Variants in NXPE3 observed in about 807,000 individuals in gnomAD.
NXPE3 encodes the protein neurexophilin and PC-esterase domain family member 3, also known as NXPE family member 3.
NXPE3 carries 26 observed loss-of-function variants against 46.1 expected under a neutral mutation model. The ratio of observed to expected loss-of-function variants is 0.56; its 90% CI spans 0.41 to 0.78. The LOEUF (loss-of-function observed/expected upper bound fraction) is 0.78. Among genes scored for constraint, NXPE3 ranks in the 30% least tolerant of loss-of-function variants. The pLI is 0.00. For missense variants in NXPE3, 620 were observed against 686.0 expected (o/e 0.90, Z 1.07); for synonymous variants, 272 against 257.9 (o/e 1.05, Z -0.52).
Position 101,801,788 on chromosome 3 carries a change from C to T in NXPE3, c.647C>T (p.Ser216Leu). The stretch of plus-strand genomic sequence containing the variant: ...GTCTATTTCAAGAGTCTCTTCCGTT[C>T]AGGAAGAATTTCTGAAACTACTGAG... ...DRVYFKSLFR[S>L]GRISETTECN... The change falls in exon 5 of 8, where the codon TCA becomes TTA. Residue 216 changes from serine to leucine, a missense_variant. By Grantham distance (145) the Ser-to-Leu change is moderately radical. This residue lies in a region of NXPE3 where 511 missense variants were observed against 528.6 expected (regional missense o/e 0.97). Coordinates refer to ENST00000273347, the MANE Select transcript of NXPE3 (RefSeq NM_145037.4). 1 of 1,614,166 alleles carries T rather than the reference C, an allele frequency of 6.2e-7. No homozygotes were observed. Among genetic ancestry groups the T allele is most frequent in the Non-Finnish European group, 8.5e-7 (1 of 1,180,016 alleles).
In NXPE3 at chr3:101,823,946, G is replaced by C. The variant is rs1483880717; in HGVS notation, c.*1992G>C. 3.3e-5 allele frequency: 5 copies of C among 151,384 alleles called. No individual in the cohort carries two copies. Among genetic ancestry groups the C allele is most frequent in the Non-Finnish European group, 7.4e-5 (5 of 67,960 alleles). The allele number at this position is 151,384 out of a possible 1,614,324, so 9.4% of individuals were successfully genotyped here. ...TCTCTACAAAAAAATACAAAAACTA[G>C]CTGGGTGTGGTGGCACCACCTGTAG... On this transcript the variant is annotated 3_prime_UTR_variant, in exon 8 of 8. Transcript: ENST00000273347.
intron 5 of NXPE3, among the ~76,000 whole-genome samples, chr3:101,802,878 T>C (rs1209258517): frequency 6.7e-6 from 1 of 149,990 alleles, no homozygotes; most frequent in East Asian, 1.9e-4. Context: ...AGCTACATGG[T>C]TAAAAAGTAC....
In NXPE3 at chr3:101,826,778, A is replaced by T. The variant is rs1335575399; in HGVS notation, c.*4824A>T. On this transcript the variant is annotated 3_prime_UTR_variant, in exon 8 of 8. Coordinates refer to ENST00000273347, the MANE Select transcript of NXPE3 (RefSeq NM_145037.4). ...GCCGGGCATAGTGGCTCATGCCTGT[A>T]ATCCCAGCACTTTGGGAGGCCGAGG... 2 of 152,290 alleles carry T rather than the reference A, an allele frequency of 1.3e-5. No individual in the cohort carries two copies. The highest frequency in any genetic ancestry group is 2.1e-4 in the South Asian group (1 of 4,832). 9.4% of individuals were successfully genotyped at this position (152,290 alleles called of 1,614,324 possible). A position where few individuals can be genotyped will look rare whatever the true frequency, so the allele number is the denominator to read the frequency against.
At chr3:101,806,372 C>T (rs896258096) in intron 5 of NXPE3, among the ~76,000 whole-genome samples, 2 of 152,144 alleles carry the variant, frequency 1.3e-5, no homozygotes, top group African/African-American at 4.8e-5. Flanking sequence ...TCCACCCTCC[C>T]CCATGTTTTA....
In NXPE3 at chr3:101,793,656, T is replaced by A. The variant is rs951926415; in HGVS notation, c.94-7579T>A. On this transcript the variant is annotated intron_variant, in intron 4 of 7. Coordinates refer to ENST00000273347, the MANE Select transcript of NXPE3 (RefSeq NM_145037.4). ...TTTTTTTTTTTTTTTTTTTTTTTTT[T>A]ATCTGTGCTTTTCCAGTCTGGCTGG... 1.0e-3 allele frequency among the ~76,000 whole-genome samples: 132 copies of A among 131,842 alleles called. 1 individual carries two copies. The highest frequency in any genetic ancestry group is 2.9e-3 in the African/African-American group (102 of 34,716). 86.5% of individuals were successfully genotyped at this position (131,842 alleles called of 152,430 possible).
At chr3:101,804,858 A>G (rs1941336151) in intron 5 of NXPE3, among the ~76,000 whole-genome samples, 1 of 152,216 alleles carries the variant, frequency 6.6e-6, no homozygotes, top group Non-Finnish European at 1.5e-5. Context: ...TATTAATATA[A>G]GGGAAGGCCT....
chr3:101,787,305 T>G lies in NXPE3; in HGVS notation c.93+1616T>G, dbSNP rs556004724. On this transcript the variant is annotated intron_variant, in intron 4 of 7. Coordinates refer to ENST00000273347, the MANE Select transcript of NXPE3 (RefSeq NM_145037.4). The stretch of plus-strand genomic sequence containing the variant: ...ATCAATCATATGATATTTGTCCTTT[T>G]TTTGTTTGTTTGTTTGTTTGAGACA... Among the ~76,000 whole-genome samples the G allele has an allele frequency of 1.2e-4, 18 of 152,256 alleles. No homozygotes were observed. The South Asian group carries it at 2.7e-3, about 23-fold the overall frequency.
At chr3:101,813,023 A>G (rs1941794344) in intron 6 of NXPE3, among the ~76,000 whole-genome samples, 1 of 152,102 alleles carries the variant, frequency 6.6e-6, no homozygotes, top group Non-Finnish European at 1.5e-5. Context: ...GAGTAAACTC[A>G]AACTCAAGCC....
At chr3:101,789,973 G>A (rs143716580) in intron 4 of NXPE3, among the ~76,000 whole-genome samples, 26 of 152,236 alleles carry the variant, frequency 1.7e-4, no homozygotes, top group African/African-American at 6.3e-4. Context: ...ATACAGGTGT[G>A]AGCCACTGCA....
At position 101,801,295 on chromosome 3, in the gene NXPE3, T is replaced by G; in HGVS notation, c.154T>G (p.Ser52Ala). Residue 52 changes from serine to alanine, a missense_variant, in exon 5 of 8, where the codon TCC becomes GCC. This residue lies in a region of NXPE3 where 511 missense variants were observed against 528.6 expected (regional missense o/e 0.97). Coordinates refer to ENST00000273347, the MANE Select transcript of NXPE3 (RefSeq NM_145037.4). ...CGACAGCAGTGGACAGTTTGTTTCC[T>G]CCCAGGTGACAGGAATTAGCCGAAA... ...FIDSSGQFVS[S>A]QVTGISRNPY... 1 of 1,614,176 alleles carries G rather than the reference T, an allele frequency of 6.2e-7. No homozygotes were observed. Among genetic ancestry groups the G allele is most frequent in the South Asian group, 1.1e-5 (1 of 91,078 alleles).
rs1421781065 is a variant in NXPE3, at chr3:101,779,249, G to C, written c.-573G>C. 6.6e-6 allele frequency: 1 copy of C among 152,348 alleles called. No homozygotes were observed. The highest frequency in any genetic ancestry group is 1.5e-5 in the Non-Finnish European group (1 of 68,166). The allele number at this position is 152,348 out of a possible 1,614,324, so 9.4% of individuals were successfully genotyped here. On this transcript the variant is annotated 5_prime_UTR_variant, in exon 1 of 8. Coordinates refer to ENST00000273347, the MANE Select transcript of NXPE3 (RefSeq NM_145037.4). ...CGGGTGAGGAAGCGGGGGGCTAGCG[G>C]CCTGGCGCTGCGGCGACCGACCGGG...
intron 4 of NXPE3, among the ~76,000 whole-genome samples, chr3:101,794,477 C>G (rs766730721): frequency 6.6e-6 from 1 of 151,992 alleles, no homozygotes; most frequent in South Asian, 2.1e-4. Context: ...GAGGGTAGAG[C>G]CCAGGAGGTT....
rs1942384324 is a variant in NXPE3, at chr3:101,824,118, A to AG, written c.*2164_*2165insG. ...CCTGTCTCTAAAAAAAAAAAAAAAA[A>AG]AAAAAGAGGGACCATGATGCCTCTG... On this transcript the variant is annotated 3_prime_UTR_variant, in exon 8 of 8. Transcript: ENST00000273347. The AG allele has an allele frequency of 1.3e-5, 2 of 152,356 alleles. No individual in the cohort carries two copies. Among genetic ancestry groups the AG allele is most frequent in the African/African-American group, 4.8e-5 (2 of 41,316 alleles). The allele number at this position is 152,356 out of a possible 1,614,324, so 9.4% of individuals were successfully genotyped here.
chr3:101,804,658 T>C (rs1483821855), intron 5 of NXPE3, among the ~76,000 whole-genome samples: 1 of 151,752 alleles, frequency 6.6e-6, no homozygotes, highest in Non-Finnish European at 1.5e-5. Context: ...TGAGCTGATA[T>C]CCTTTTTTAC....
chr3:101,804,897 C>T (rs894541081), intron 5 of NXPE3, among the ~76,000 whole-genome samples: 2 of 152,186 alleles, frequency 1.3e-5, no homozygotes, highest in Non-Finnish European at 2.9e-5. Flanking sequence ...TCACCTACAA[C>T]ATTTCCCTTT....
chr3:101,792,639 C>T (rs1012251903), intron 4 of NXPE3, among the ~76,000 whole-genome samples: 1 of 152,022 alleles, frequency 6.6e-6, no homozygotes, highest in African/African-American at 2.4e-5. Flanking sequence ...GTTTTTGTAC[C>T]AGTACTATTC....
chr3:101,825,154 T>TACCCTCC lies in NXPE3; in HGVS notation c.*3209_*3215dup, dbSNP rs1256212903. On this transcript the variant is annotated 3_prime_UTR_variant, in exon 8 of 8. Transcript: ENST00000273347. ...TTTTTCCTGATCCTCTCCCTCCTCC[T>TACCCTCC]ACCCTCCACCCTCCAATAGACCCCA... 2.0e-5 allele frequency: 3 copies of TACCCTCC among 152,184 alleles called. No homozygotes were observed. The allele number at this position is 152,184 out of a possible 1,614,324, so 9.4% of individuals were successfully genotyped here.
At position 101,802,070 on chromosome 3, in the gene NXPE3, T is replaced by G. The variant is rs2107299681; in HGVS notation, c.848+81T>G. On this transcript the variant is annotated intron_variant, in intron 5 of 7. Transcript: ENST00000273347. The stretch of plus-strand genomic sequence containing the variant: ...TCCCATTTAGGAGACTTTCTGGTAT[T>G]CGGTATGTGTTTCTTACCTCTCTCT... The G allele has an allele frequency of 4.4e-6, 6 of 1,366,116 alleles. No homozygotes were observed. The South Asian group carries it at 8.7e-5, about 20-fold the overall frequency. The allele number at this position is 1,366,116 out of a possible 1,614,324, so 84.6% of individuals were successfully genotyped here. A position where few individuals can be genotyped will look rare whatever the true frequency, so the allele number is the denominator to read the frequency against.
chr3:101,798,603 T>TA (rs56059573), intron 4 of NXPE3, among the ~76,000 whole-genome samples: 49,338 of 123,850 alleles, frequency 0.4, 8,750 homozygotes, highest in Non-Finnish European at 0.44. Context: ...TATATATATA[T>TA]TTTTTTTTTT....
Sources: gnomAD v4.1 joint callset for allele counts (sites outside exome capture counted in the v4.1 genomes callset) on GRCh38, gnomAD v4.1.1 for gene constraint, gnomAD v4.1.1 regional missense constraint, MANE v1.5 for transcripts, NCBI Gene and HGNC (gene_info 2026-07-23, HGNC 2026-07-21) for gene names.